Variants in QTMAN observed in about 807,000 individuals in gnomAD.
QTMAN encodes queuosine-tRNA mannosyltransferase.
At chr2:144,273,468 AAGTACTAACCTTTCAT>A in the QTMAN span, among the ~76,000 whole-genome samples, 2 of 152,152 alleles carry the variant, frequency 1.3e-5, no homozygotes, top group Non-Finnish European at 2.9e-5. Context: ...CTGCTGGTTC[AAGTACTAACCTTTCAT>A]AGGACGGTCT....
the QTMAN span, among the ~76,000 whole-genome samples, chr2:144,207,476 A>G: frequency 6.6e-6 from 1 of 152,194 alleles, no homozygotes; most frequent in Non-Finnish European, 1.5e-5. Flanking sequence ...TGGAGCTTCC[A>G]ACATGCCCTT....
the QTMAN span, among the ~76,000 whole-genome samples, chr2:144,003,947 A>T: frequency 6.6e-6 from 1 of 151,946 alleles, no homozygotes; most frequent in African/African-American, 2.4e-5. Context: ...TCATGGGCAT[A>T]TTTTTTTATG....
chr2:144,287,280 C>T, the QTMAN span, among the ~76,000 whole-genome samples: 2 of 151,960 alleles, frequency 1.3e-5, no homozygotes, highest in Admixed American at 1.3e-4. Flanking sequence ...ACTAAAAATA[C>T]AAAAATTAGC....
At chr2:144,325,922 T>C in the QTMAN span, among the ~76,000 whole-genome samples, 1 of 152,250 alleles carries the variant, frequency 6.6e-6, no homozygotes, top group African/African-American at 2.4e-5. Flanking sequence ...ACATGACTAC[T>C]GTTCTGAAAC....
chr2:144,135,003 T>G, the QTMAN span, among the ~76,000 whole-genome samples: 2 of 152,192 alleles, frequency 1.3e-5, no homozygotes, highest in African/African-American at 4.8e-5. Flanking sequence ...AGCATTTGTC[T>G]CGCTTCACGT....
At chr2:144,039,912 T>C in the QTMAN span, among the ~76,000 whole-genome samples, 17 of 152,336 alleles carry the variant, frequency 1.1e-4, no homozygotes, top group East Asian at 1.9e-3. Flanking sequence ...CTTGACAAAA[T>C]GTCATTGAAG....
At chr2:144,247,296 T>C in the QTMAN span, among the ~76,000 whole-genome samples, 1 of 152,212 alleles carries the variant, frequency 6.6e-6, no homozygotes, top group African/African-American at 2.4e-5. Context: ...ATAGAAGGTA[T>C]AGGAAGAATT....
chr2:144,243,825 A>G, the QTMAN span, among the ~76,000 whole-genome samples: 1,659 of 152,316 alleles, frequency 0.011, 21 homozygotes, highest in African/African-American at 0.037. Flanking sequence ...GGACTAAAAG[A>G]TTGGTACTTG....
At chr2:144,276,776 C>T in the QTMAN span, among the ~76,000 whole-genome samples, 2 of 152,298 alleles carry the variant, frequency 1.3e-5, no homozygotes, top group African/African-American at 4.8e-5. Context: ...GGTCTACACT[C>T]GCATGGCCTA....
the QTMAN span, among the ~76,000 whole-genome samples, chr2:143,955,797 A>G: frequency 4.6e-5 from 7 of 152,234 alleles, no homozygotes; most frequent in Non-Finnish European, 1.0e-4. Context: ...AACTGCAGAT[A>G]AAAACCTAAT....
At chr2:144,009,471 T>C in the QTMAN span, among the ~76,000 whole-genome samples, 2 of 152,124 alleles carry the variant, frequency 1.3e-5, no homozygotes, top group Admixed American at 6.5e-5. Flanking sequence ...TAGGACCCTA[T>C]GTACATTCCA....
the QTMAN span, among the ~76,000 whole-genome samples, chr2:143,985,500 C>G: frequency 2.0e-3 from 299 of 152,310 alleles, no homozygotes; most frequent in Non-Finnish European, 3.3e-3. Context: ...CATTCATGTT[C>G]ATGGAATAAA....
the QTMAN span, among the ~76,000 whole-genome samples, chr2:144,125,343 G>T: frequency 6.6e-6 from 1 of 152,004 alleles, no homozygotes; most frequent in Non-Finnish European, 1.5e-5. Flanking sequence ...GTAATACATG[G>T]TTATTAAAGA....
chr2:144,039,036 C>T, the QTMAN span, among the ~76,000 whole-genome samples: 1 of 152,040 alleles, frequency 6.6e-6, no homozygotes, highest in South Asian at 2.1e-4. Context: ...TTAGTTTTAG[C>T]CCATTTTTCA....
chr2:144,104,189 A>C, the QTMAN span, among the ~76,000 whole-genome samples: 1 of 152,100 alleles, frequency 6.6e-6, no homozygotes, highest in Non-Finnish European at 1.5e-5. Flanking sequence ...AGCAATGCAG[A>C]AGATGGGTGA....
chr2:143,962,545 A>C, the QTMAN span, among the ~76,000 whole-genome samples: 1 of 152,186 alleles, frequency 6.6e-6, no homozygotes. Context: ...CTAGGTTTAG[A>C]AAGAACACTG....
At chr2:144,012,403 C>T in the QTMAN span, among the ~76,000 whole-genome samples, 1 of 152,118 alleles carries the variant, frequency 6.6e-6, no homozygotes, top group African/African-American at 2.4e-5. Flanking sequence ...TTAAATGCCA[C>T]TAAGATTGAT....
chr2:144,090,398 T>G, the QTMAN span, among the ~76,000 whole-genome samples: 6 of 152,128 alleles, frequency 3.9e-5, no homozygotes, highest in African/African-American at 1.2e-4. Context: ...TAAAAGGCAT[T>G]GATATTGGAA....
the QTMAN span, among the ~76,000 whole-genome samples, chr2:144,034,376 C>A: frequency 5.3e-5 from 8 of 152,192 alleles, no homozygotes; most frequent in African/African-American, 1.9e-4. Context: ...TGCCTGCTAT[C>A]CCAGCCTTTA....
Sources: gnomAD v4.1 joint callset for allele counts (sites outside exome capture counted in the v4.1 genomes callset) on GRCh38, gnomAD v4.1.1 for gene constraint, MANE v1.5 for transcripts, NCBI Gene and HGNC (gene_info 2026-07-23, HGNC 2026-07-21) for gene names.